NAA15: variants seen among roughly 807,000 people sequenced by gnomAD.
NAA15 encodes the protein N-alpha-acetyltransferase 15, NatA auxiliary subunit.
Under a neutral mutation model 114.0 loss-of-function variants are expected in NAA15, and 34 were observed. That is an observed-to-expected ratio of 0.30 (90% CI 0.23 to 0.40). NAA15 has a LOEUF of 0.40. Among genes scored for constraint, NAA15 ranks in the 10% least tolerant of loss-of-function variants. NAA15 has a pLI of 1.00. For missense variants in NAA15, 658 were observed against 1,004.5 expected (o/e 0.66, Z 4.66); for synonymous variants, 340 against 338.0 (o/e 1.01, Z -0.06).
chr4:139,303,915 C>A (rs1745905752), intron 1 of NAA15, among the ~76,000 whole-genome samples: 1 of 152,024 alleles, frequency 6.6e-6, no homozygotes, highest in East Asian at 1.9e-4. Context: ...AGTGTTAGCA[C>A]TTTTTTTTGT....
chr4:139,376,531 A>T, intron 16 of NAA15, 58 bp downstream of exon 16: 1 of 1,052,346 alleles, frequency 9.5e-7, no homozygotes, highest in Non-Finnish European at 1.5e-6. Context: ...TCTTAGGTAT[A>T]GTCACCCAAC....
At chr4:139,312,680 TA>T (rs200679804) in intron 1 of NAA15, among the ~76,000 whole-genome samples, 4 of 151,528 alleles carry the variant, frequency 2.6e-5, no homozygotes, top group Non-Finnish European at 5.9e-5. Context: ...TCTGTCTCTG[TA>T]AAAAATGAAA....
At chr4:139,354,473 A>AT (rs1273433483) in intron 10 of NAA15, among the ~76,000 whole-genome samples, 2 of 151,584 alleles carry the variant, frequency 1.3e-5, no homozygotes, top group Non-Finnish European at 2.9e-5. Flanking sequence ...TAATTTTTAG[A>AT]TTTTTTGTAG....
intron 1 of NAA15, among the ~76,000 whole-genome samples, chr4:139,331,525 C>T: frequency 6.6e-6 from 1 of 151,558 alleles, no homozygotes; most frequent in East Asian, 1.9e-4. Context: ...TGGCTCACTG[C>T]AGCCTCCGCC....
chr4:139,361,644 A>T, intron 13 of NAA15, 80 bp from the exon 14 acceptor site: 1 of 823,576 alleles, frequency 1.2e-6, no homozygotes. Context: ...CAAAGTAACA[A>T]GTATTCCAAT....
At chr4:139,358,167 GT>G (rs1748019507) in intron 11 of NAA15, among the ~76,000 whole-genome samples, 3 of 149,492 alleles carry the variant, frequency 2.0e-5, no homozygotes, top group Admixed American at 2.0e-4. Flanking sequence ...TATTTAAGAA[GT>G]TTTTTTGTTT....
chr4:139,360,347 A>C (rs550698640), intron 12 of NAA15, among the ~76,000 whole-genome samples, 153 bp from the exon 13 acceptor site: 67 of 152,268 alleles, frequency 4.4e-4, no homozygotes, highest in African/African-American at 1.5e-3. Context: ...AGAGAATATC[A>C]GTTGTTTTCC....
At chr4:139,367,009 A>G (rs1748303513) in intron 14 of NAA15, among the ~76,000 whole-genome samples, 1 of 152,244 alleles carries the variant, frequency 6.6e-6, no homozygotes, top group Admixed American at 6.5e-5. Context: ...TGTCATGTAA[A>G]TCAGGTACAG....
chr4:139,376,540 A>G (rs1748587153), intron 16 of NAA15, 67 bp downstream of exon 16: 1 of 938,176 alleles, frequency 1.1e-6, no homozygotes, highest in East Asian at 2.4e-5. Flanking sequence ...TAGTCACCCA[A>G]CTCTGATAGC....
intron 1 of NAA15, among the ~76,000 whole-genome samples, chr4:139,309,137 C>T (rs1463675309): frequency 6.6e-6 from 1 of 151,000 alleles, no homozygotes; most frequent in Non-Finnish European, 1.5e-5. Context: ...CACCTGAGGT[C>T]AGGAGTTAGA....
chr4:139,355,054 G>A (rs1747901759), intron 10 of NAA15, among the ~76,000 whole-genome samples: 1 of 151,532 alleles, frequency 6.6e-6, no homozygotes, highest in African/African-American at 2.4e-5. Flanking sequence ...TTGTATTTTT[G>A]GTAGAGACGG....
chr4:139,348,220 A>C (rs913488908), intron 6 of NAA15, among the ~76,000 whole-genome samples: 3 of 151,990 alleles, frequency 2.0e-5, no homozygotes, highest in Non-Finnish European at 4.4e-5. Context: ...TTGGGAGGCC[A>C]AGGTGGGTGG....
intron 1 of NAA15, among the ~76,000 whole-genome samples, chr4:139,328,658 C>A (rs1473484647): frequency 1.3e-5 from 2 of 151,554 alleles, no homozygotes; most frequent in Non-Finnish European, 2.9e-5. Flanking sequence ...ACCTCCACCC[C>A]CCGGGTTCAA....
chr4:139,305,979 A>G (rs1745998105), intron 1 of NAA15, among the ~76,000 whole-genome samples: 1 of 152,234 alleles, frequency 6.6e-6, no homozygotes, highest in Admixed American at 6.5e-5. Flanking sequence ...TTAAATTTTT[A>G]ATGGAAACCT....
At chr4:139,376,331 G>A (rs1335275807) in intron 15 of NAA15, 34 bp from the exon 16 acceptor site, 1 of 1,315,050 alleles carries the variant, frequency 7.6e-7, no homozygotes, top group African/African-American at 1.5e-5. Context: ...AAGAACCTTA[G>A]TTTCATTTGT....
At chr4:139,319,644 G>T (rs765511461) in intron 1 of NAA15, among the ~76,000 whole-genome samples, 1 of 151,402 alleles carries the variant, frequency 6.6e-6, no homozygotes, top group Non-Finnish European at 1.5e-5. Context: ...ATGTTGCCAG[G>T]CTGGTCTTGA....
chr4:139,323,800 G>T (rs1746699814), intron 1 of NAA15, among the ~76,000 whole-genome samples: 1 of 152,166 alleles, frequency 6.6e-6, no homozygotes. Flanking sequence ...TTTATAGTTG[G>T]CAGGAACCTC....
chr4:139,322,858 A>T (rs181562862), intron 1 of NAA15, among the ~76,000 whole-genome samples: 1 of 151,108 alleles, frequency 6.6e-6, no homozygotes, highest in Non-Finnish European at 1.5e-5. Flanking sequence ...TGCTTGGCTA[A>T]TTTTCCTATT....
intron 16 of NAA15, among the ~76,000 whole-genome samples, chr4:139,377,399 G>A (rs1433765685): frequency 6.6e-6 from 1 of 152,070 alleles, no homozygotes; most frequent in Admixed American, 6.6e-5. Flanking sequence ...TTAGCCGGGT[G>A]TGGTGGCACA....
Sources: gnomAD v4.1 joint callset for allele counts (sites outside exome capture counted in the v4.1 genomes callset) on GRCh38, gnomAD v4.1.1 for gene constraint, MANE v1.5 for transcripts, NCBI Gene and HGNC (gene_info 2026-07-23, HGNC 2026-07-21) for gene names.